The following FBXW10B variants were observed in gnomAD, a reference collection of about 807,000 sequenced individuals.
FBXW10B encodes F-box and WD repeat domain containing 10B.
At chr17:15,589,851 C>T in the FBXW10B span, among the ~76,000 whole-genome samples, 3 of 152,138 alleles carry the variant, frequency 2.0e-5, no homozygotes, top group Admixed American at 6.5e-5. Flanking sequence ...TTCATAAAAG[C>T]TCTTACACTC....
At chr17:15,585,074 A>C in the FBXW10B span, among the ~76,000 whole-genome samples, 1 of 149,836 alleles carries the variant, frequency 6.7e-6, no homozygotes, top group South Asian at 2.1e-4. Flanking sequence ...TTAGAGTCTC[A>C]TAGGGAAAAA....
chr17:15,598,489 T>C, the FBXW10B span: 1 of 1,613,336 alleles, frequency 6.2e-7, no homozygotes, highest in East Asian at 2.2e-5. Context: ...AACCTGTGGG[T>C]CGGGGGAAAC....
At chr17:15,615,896 T>C in the FBXW10B span, 2 of 1,564,152 alleles carry the variant, frequency 1.3e-6, no homozygotes, top group South Asian at 1.2e-5. Context: ...TCATTTTTTC[T>C]TCCTTCTTTT....
chr17:15,605,823 T>A, the FBXW10B span, among the ~76,000 whole-genome samples: 1 of 150,536 alleles, frequency 6.6e-6, no homozygotes, highest in Non-Finnish European at 1.5e-5. Context: ...TTTTGTTTTT[T>A]CCCTTAATCA....
the FBXW10B span, among the ~76,000 whole-genome samples, chr17:15,566,720 C>A: frequency 4.6e-5 from 7 of 151,612 alleles, no homozygotes; most frequent in African/African-American, 1.5e-4. Flanking sequence ...GCCACCATGC[C>A]CGGCTAATTT....
the FBXW10B span, chr17:15,596,561 G>A: frequency 1.5e-5 from 24 of 1,610,758 alleles, no homozygotes; most frequent in East Asian, 6.7e-5. Flanking sequence ...ACCAGCCCTC[G>A]CTCACAGCTG....
the FBXW10B span, among the ~76,000 whole-genome samples, chr17:15,614,907 C>CAAGGG: frequency 6.6e-6 from 1 of 152,156 alleles, no homozygotes; most frequent in African/African-American, 2.4e-5. Flanking sequence ...GTTCCCTCCT[C>CAAGGG]AAGACTGAAT....
the FBXW10B span, chr17:15,565,786 C>T: frequency 1.4e-3 from 2,195 of 1,613,800 alleles, 5 homozygotes; most frequent in South Asian, 4.0e-3. Flanking sequence ...GATGCGAGGC[C>T]GTTCTTTCTT....
At chr17:15,585,395 T>G in the FBXW10B span, among the ~76,000 whole-genome samples, 2 of 152,216 alleles carry the variant, frequency 1.3e-5, no homozygotes, top group African/African-American at 4.8e-5. Flanking sequence ...GACACTTTGG[T>G]AAGCAGTGAT....
At chr17:15,568,873 G>A in the FBXW10B span, 39,725 of 1,231,328 alleles carry the variant, frequency 0.032, 755 homozygotes, top group Non-Finnish European at 0.036. Context: ...ATTTACCCTG[G>A]AATCTGTGCC....
At chr17:15,601,220 T>C in the FBXW10B span, among the ~76,000 whole-genome samples, 3 of 147,208 alleles carry the variant, frequency 2.0e-5, no homozygotes, top group Non-Finnish European at 3.0e-5. Flanking sequence ...CCATCCTGGC[T>C]AACACGGTGA....
At chr17:15,601,258 A>C in the FBXW10B span, among the ~76,000 whole-genome samples, 74 of 138,122 alleles carry the variant, frequency 5.4e-4, no homozygotes, top group African/African-American at 1.8e-3. Context: ...AAATACAAAA[A>C]ATTAGCCAGG....
chr17:15,615,710 T>C, the FBXW10B span: 1 of 1,613,706 alleles, frequency 6.2e-7, no homozygotes, highest in African/African-American at 1.3e-5. Context: ...AAGGGATGTG[T>C]GCTGAGTTTT....
the FBXW10B span, chr17:15,596,500 C>T: frequency 1.3e-6 from 2 of 1,565,064 alleles, no homozygotes; most frequent in Admixed American, 3.5e-5. Flanking sequence ...CAAGGTAGCC[C>T]ACTGCCCACT....
chr17:15,612,748 C>T, the FBXW10B span: 306 of 1,614,014 alleles, frequency 1.9e-4, no homozygotes, highest in African/African-American at 3.1e-3. Flanking sequence ...ATGCTCTTCC[C>T]GTCATCTACC....
At chr17:15,594,741 C>T in the FBXW10B span, 5 of 1,613,616 alleles carry the variant, frequency 3.1e-6, no homozygotes, top group Non-Finnish European at 4.2e-6. Flanking sequence ...GCTTCACAGG[C>T]ACCTACTTGG....
the FBXW10B span, chr17:15,572,309 C>G: frequency 6.6e-6 from 1 of 152,238 alleles, no homozygotes; most frequent in African/African-American, 2.4e-5. Flanking sequence ...TACTAAACTT[C>G]TCTGAGGCTC....
At chr17:15,581,893 A>G in the FBXW10B span, among the ~76,000 whole-genome samples, 1 of 150,814 alleles carries the variant, frequency 6.6e-6, no homozygotes, top group East Asian at 2.0e-4. Flanking sequence ...GAGACACCCA[A>G]GAAGGCCAGC....
At chr17:15,592,676 T>C in the FBXW10B span, among the ~76,000 whole-genome samples, 7 of 151,704 alleles carry the variant, frequency 4.6e-5, no homozygotes, top group Non-Finnish European at 7.4e-5. Flanking sequence ...GCATCAAAGA[T>C]AGCTGATAGA....
Sources: allele counts gnomAD v4.1 joint callset (sites outside exome capture counted in the v4.1 genomes callset), GRCh38; gene constraint gnomAD v4.1.1; transcripts MANE v1.5; gene names NCBI Gene and HGNC (gene_info 2026-07-23, HGNC 2026-07-21).